Variants in SRBD1 observed in about 807,000 individuals in gnomAD.
The protein encoded by SRBD1 is S1 RNA binding domain 1.
A neutral mutation model predicts 115.3 loss-of-function variants in SRBD1; 88 were observed. The observed-to-expected ratio is 0.76, with a 90% CI of 0.64 to 0.91. The LOEUF (loss-of-function observed/expected upper bound fraction) is 0.91, where lower values mean the gene tolerates loss of function less well. Among genes scored for constraint, SRBD1 ranks in the 40% least tolerant of loss-of-function variants. The probability of loss-of-function intolerance (pLI) is 0.00; values close to 1 mark genes in which losing one functional copy is unlikely to be tolerated. For synonymous variants in SRBD1, 509 were observed against 407.7 expected (o/e 1.25, Z -2.99); for missense variants, 1,385 against 1,177.4 (o/e 1.18, Z -2.58).
chr2:45,599,974 G>T, intron 3 of SRBD1, 139 bp from the exon 4 acceptor site: 1 of 1,037,188 alleles, frequency 9.6e-7, no homozygotes, highest in Non-Finnish European at 1.4e-6. Context: ...ATGTTGAGTG[G>T]GAAAAAAAGC....
chr2:45,609,902 T>C (rs1674391456), intron 1 of SRBD1, among the ~76,000 whole-genome samples: 1 of 152,242 alleles, frequency 6.6e-6, no homozygotes. Context: ...GCATGTGCCT[T>C]ATTCACTTCC....
intron 4 of SRBD1, among the ~76,000 whole-genome samples, chr2:45,589,465 C>T (rs934745671): frequency 2.6e-5 from 4 of 152,162 alleles, no homozygotes; most frequent in African/African-American, 9.7e-5. Flanking sequence ...TTCTGAAAGA[C>T]AGAGATGACA....
intron 16 of SRBD1, among the ~76,000 whole-genome samples, chr2:45,472,297 T>A (rs1211822437): frequency 6.6e-6 from 1 of 152,186 alleles, no homozygotes; most frequent in East Asian, 1.9e-4. Context: ...AGATTAGTGT[T>A]GTCTGGGGCT....
At chr2:45,481,411 T>C (rs984145279) in intron 15 of SRBD1, among the ~76,000 whole-genome samples, 1 of 152,016 alleles carries the variant, frequency 6.6e-6, no homozygotes, top group Non-Finnish European at 1.5e-5. Flanking sequence ...GGGAGTCTAA[T>C]GAATTGCTGA....
intron 14 of SRBD1, among the ~76,000 whole-genome samples, chr2:45,496,249 G>T (rs1397827629): frequency 6.6e-6 from 1 of 152,130 alleles, no homozygotes; most frequent in Non-Finnish European, 1.5e-5. Flanking sequence ...AGTTCAGATT[G>T]CTATGGCATA....
chr2:45,436,961 T>G (rs1277501509), intron 16 of SRBD1, among the ~76,000 whole-genome samples: 1 of 152,202 alleles, frequency 6.6e-6, no homozygotes, highest in African/African-American at 2.4e-5. Flanking sequence ...TAAACTGTTT[T>G]CCTATATGCC....
chr2:45,449,277 G>A (rs1478126193), intron 16 of SRBD1, among the ~76,000 whole-genome samples: 2 of 152,134 alleles, frequency 1.3e-5, no homozygotes, highest in African/African-American at 4.8e-5. Context: ...CTGTCAGTCT[G>A]CACACTGAAA....
intron 14 of SRBD1, among the ~76,000 whole-genome samples, chr2:45,510,274 T>C (rs1273668303): frequency 6.6e-6 from 1 of 152,208 alleles, no homozygotes; most frequent in Non-Finnish European, 1.5e-5. Flanking sequence ...ATTAGTCTTA[T>C]TCTACCATTT....
In SRBD1 at chr2:45,389,102, T is replaced by G. The variant is rs564502087; in HGVS notation, c.*208A>C. On this transcript the variant is annotated 3_prime_UTR_variant, in exon 21 of 21. Transcript: ENST00000263736. ...ACATAAAGCCATATAAGAATGTGTA[T>G]TAGTTGTTTCCTTTAAGGGAAAAGG... is the stretch of plus-strand genomic sequence containing the variant. 16 of 612,636 alleles carry G rather than the reference T, an allele frequency of 2.6e-5. No individual in the cohort carries two copies. The highest frequency in any genetic ancestry group is 4.4e-5 in the Non-Finnish European group (16 of 363,388). The allele number at this position is 612,636 out of a possible 1,614,324, so 38.0% of individuals were successfully genotyped here.
At chr2:45,434,151 A>G (rs1354789845) in intron 16 of SRBD1, among the ~76,000 whole-genome samples, 2 of 152,272 alleles carry the variant, frequency 1.3e-5, no homozygotes, top group African/African-American at 2.4e-5. Flanking sequence ...CCTATTATCA[A>G]TTATCAAGCC....
At chr2:45,449,930 A>T (rs887423423) in intron 16 of SRBD1, among the ~76,000 whole-genome samples, 1 of 152,160 alleles carries the variant, frequency 6.6e-6, no homozygotes, top group Non-Finnish European at 1.5e-5. Flanking sequence ...ATCTGGGTCT[A>T]TAGTCATTGT....
chr2:45,395,128 C>T (rs1459516055), intron 19 of SRBD1, among the ~76,000 whole-genome samples: 1 of 152,226 alleles, frequency 6.6e-6, no homozygotes, highest in African/African-American at 2.4e-5. Flanking sequence ...GCTGAGCAGG[C>T]TTCCCTGGTA....
At chr2:45,540,540 C>A (rs1420615260) in intron 14 of SRBD1, among the ~76,000 whole-genome samples, 2 of 151,852 alleles carry the variant, frequency 1.3e-5, no homozygotes. Flanking sequence ...TTTCTCAAAA[C>A]TAAAATTTTT....
At chr2:45,512,342 T>C (rs1271804166) in intron 14 of SRBD1, among the ~76,000 whole-genome samples, 3 of 152,220 alleles carry the variant, frequency 2.0e-5, no homozygotes, top group Admixed American at 2.0e-4. Context: ...AGAGTCCTAT[T>C]GGAACCACAA....
At position 45,546,828 on chromosome 2, in the gene SRBD1, A is replaced by G; in HGVS notation, c.1778T>C (p.Val593Ala). The G allele has an allele frequency of 6.2e-7, 1 of 1,614,088 alleles. No homozygotes were observed. Among genetic ancestry groups the G allele is most frequent in the Non-Finnish European group, 8.5e-7 (1 of 1,179,962 alleles). ...GCAGGCAGTTCCATTTCCAATCACT[A>G]CTGTGCTGCAGCTTCAAGGCAGAAA... ...TLLLNFNCST[V>A]VIGNGTACRE... The change falls in exon 14 of 21, where the codon GTA (valine) becomes GCA (alanine). Residue 593 changes from valine (V) to alanine (A), a missense_variant. Coordinates refer to ENST00000263736, the MANE Select transcript of SRBD1 (RefSeq NM_018079.5).
chr2:45,579,785 G>A, intron 7 of SRBD1, 90 bp downstream of exon 7: 1 of 1,379,264 alleles, frequency 7.3e-7, no homozygotes, highest in Non-Finnish European at 9.6e-7. Flanking sequence ...TGTATAATCA[G>A]TACTTAACAA....
At chr2:45,457,004 G>T (rs894243171) in intron 16 of SRBD1, among the ~76,000 whole-genome samples, 2 of 151,742 alleles carry the variant, frequency 1.3e-5, no homozygotes, top group East Asian at 3.8e-4. Flanking sequence ...AAAAATAAAG[G>T]TCATGGATAT....
At chr2:45,608,159 T>C (rs1674330851) in intron 1 of SRBD1, among the ~76,000 whole-genome samples, 2 of 152,254 alleles carry the variant, frequency 1.3e-5, no homozygotes, top group Admixed American at 6.5e-5. Context: ...CTTATGTTTT[T>C]GCTTAACCAT....
chr2:45,547,711 CTTG>C, intron 12 of SRBD1, 99 bp from the exon 13 acceptor site: 1 of 962,870 alleles, frequency 1.0e-6, no homozygotes, highest in Admixed American at 2.6e-5. Context: ...AGGAGACTGG[CTTG>C]TTTTTTATAA....
Sources: allele counts gnomAD v4.1 joint callset (sites outside exome capture counted in the v4.1 genomes callset), GRCh38; gene constraint gnomAD v4.1.1; transcripts MANE v1.5; gene names NCBI Gene and HGNC (gene_info 2026-07-23, HGNC 2026-07-21).